SCIN: variants seen among roughly 807,000 people sequenced by gnomAD.
SCIN encodes the protein scinderin, also known as adseverin.
A neutral mutation model predicts 91.8 loss-of-function variants in SCIN; 91 were observed. That is an observed-to-expected ratio of 0.99 (90% CI 0.84 to 1.18). The LOEUF is 1.18. Among genes scored for constraint, SCIN ranks in the 50% most tolerant of loss-of-function variants. The pLI, the probability that SCIN is intolerant of heterozygous loss-of-function variation, is 0.00. For synonymous variants in SCIN, 367 were observed against 312.6 expected (o/e 1.17, Z -1.84); for missense variants, 1,087 against 863.9 (o/e 1.26, Z -3.24).
chr7:12,629,383 T>C lies in SCIN; in HGVS notation c.1319+161T>C, dbSNP rs528788146. 8.6e-5 allele frequency among the ~76,000 whole-genome samples: 12 copies of C among 139,294 alleles called. No individual in the cohort carries two copies. The East Asian group carries it at 1.9e-3, about 22-fold the overall frequency. The allele number at this position is 139,294 out of a possible 152,430, so 91.4% of individuals were successfully genotyped here. On this transcript the variant is annotated intron_variant, in intron 9 of 15. Transcript: ENST00000297029. ...TTCTTTTTACATGATTTTGACTATG[T>C]TTTGCAGTTGCCATCCACAGGCAGC...
chr7:12,611,489 T>A (rs918975197), intron 4 of SCIN, among the ~76,000 whole-genome samples: 7 of 152,186 alleles, frequency 4.6e-5, no homozygotes, highest in Non-Finnish European at 1.0e-4. Flanking sequence ...AATATTTTAA[T>A]GAAAATATAG....
At chr7:12,630,645 A>G (rs1182064887) in intron 9 of SCIN, among the ~76,000 whole-genome samples, 4 of 152,248 alleles carry the variant, frequency 2.6e-5, no homozygotes, top group South Asian at 4.1e-4. Flanking sequence ...CTTAATAGCA[A>G]CCATTCTGTG....
At chr7:12,615,188 A>G (rs760314396) in intron 4 of SCIN, among the ~76,000 whole-genome samples, 1 of 152,170 alleles carries the variant, frequency 6.6e-6, no homozygotes, top group Non-Finnish European at 1.5e-5. Context: ...TATATTCCAT[A>G]TAATAATTAC....
chr7:12,616,822 T>C (rs1044842779), intron 4 of SCIN, among the ~76,000 whole-genome samples: 6 of 152,168 alleles, frequency 3.9e-5, no homozygotes, highest in Admixed American at 2.0e-4. Context: ...AACACAATTG[T>C]GGACTTCAAT....
At chr7:12,608,511 A>G (rs1783127074) in intron 4 of SCIN, among the ~76,000 whole-genome samples, 1 of 152,048 alleles carries the variant, frequency 6.6e-6, no homozygotes, top group Admixed American at 6.6e-5. Context: ...GGAGTCTTGC[A>G]CTGTCACACA....
In SCIN at chr7:12,657,990, A is replaced by G. The variant is rs910740803; in HGVS notation, c.*5275A>G. The G allele has an allele frequency of 3.3e-5, 5 of 152,184 alleles. No individual in the cohort carries two copies. The highest frequency in any genetic ancestry group is 5.9e-5 in the Non-Finnish European group (4 of 68,032). 9.4% of individuals were successfully genotyped at this position (152,184 alleles called of 1,614,324 possible). ...TAGAGAGATTATTTTTGATGTTATT[A>G]TAATAAAAATGACACCTTTACTAAA... On this transcript the variant is annotated 3_prime_UTR_variant, in exon 16 of 16. Coordinates refer to ENST00000297029, the MANE Select transcript of SCIN (RefSeq NM_001112706.3).
Position 12,658,300 on chromosome 7 carries a change from C to T in SCIN, c.*5585C>T, listed in dbSNP as rs1714193623. 1 of 152,166 alleles carries T rather than the reference C, an allele frequency of 6.6e-6. No homozygotes were observed. Among genetic ancestry groups the T allele is most frequent in the East Asian group, 1.9e-4 (1 of 5,194 alleles). The allele number at this position is 152,166 out of a possible 1,614,324, so 9.4% of individuals were successfully genotyped here. On this transcript the variant is annotated 3_prime_UTR_variant, in exon 16 of 16. Coordinates refer to ENST00000297029, the MANE Select transcript of SCIN (RefSeq NM_001112706.3). ...TCTCACCTCCCAGGGAACTGATGAG[C>T]TTTAACTGGAATAGTAGTGAGAATG...
At chr7:12,638,640 A>G (rs988760459) in intron 10 of SCIN, among the ~76,000 whole-genome samples, 1 of 152,206 alleles carries the variant, frequency 6.6e-6, no homozygotes, top group Non-Finnish European at 1.5e-5. Flanking sequence ...AAATAGAGAG[A>G]GGCAAGTTAG....
chr7:12,600,655 G>A (rs576438165), intron 3 of SCIN, among the ~76,000 whole-genome samples: 1 of 152,164 alleles, frequency 6.6e-6, no homozygotes, highest in Non-Finnish European at 1.5e-5. Context: ...GAGTTGCACT[G>A]GATAATTAGA....
At chr7:12,571,431 T>A in intron 1 of SCIN, 3 of 352,928 alleles carry the variant, frequency 8.5e-6, no homozygotes, top group South Asian at 2.3e-5. Context: ...CTGCCGCCGC[T>A]AGGAAGAAGT....
intron 3 of SCIN, among the ~76,000 whole-genome samples, chr7:12,603,423 A>C (rs1427070394): frequency 6.6e-6 from 1 of 152,098 alleles, no homozygotes; most frequent in African/African-American, 2.4e-5. Context: ...AATTACAGGC[A>C]TGAGCCACCA....
chr7:12,625,084 G>C lies in SCIN; in HGVS notation c.834G>C (p.Leu278=), dbSNP rs777787644. 6.2e-7 allele frequency: 1 copy of C among 1,606,154 alleles called. No homozygotes were observed. The highest frequency in any genetic ancestry group is 8.5e-7 in the Non-Finnish European group (1 of 1,176,132). The change falls in exon 6 of 16, where the codon CTG becomes CTC. Residue 278 remains leucine (L), a synonymous_variant. Transcript: ENST00000297029. ...ACCCCTTCTCAATGGCAATGCTGCT[G>C]TCTGAAGAATGCTTTATTTTGGACC... is the stretch of plus-strand genomic sequence containing the variant. The part of the protein sequence containing the change: ...EENPFSMAML[L]SEECFILDHG...
rs535171107 is a variant in SCIN, at chr7:12,598,862, T to G, written c.517-5652T>G. Among the ~76,000 whole-genome samples, 3 of 152,020 alleles carry G rather than the reference T, an allele frequency of 2.0e-5. No individual in the cohort carries two copies. In the South Asian group the frequency reaches 6.2e-4, roughly 32 times the overall value. Reference sequence around the variant, plus strand: ...GGCAGAAGCTGCAGCGAGCCAAGACTGCATCACTGCACTCCAGCCTAGGTG... The same window carrying G: ...GGCAGAAGCTGCAGCGAGCCAAGACGGCATCACTGCACTCCAGCCTAGGTG... On this transcript the variant is annotated intron_variant, in intron 3 of 15. Transcript: ENST00000297029.
chr7:12,617,474 C>A (rs1783323057), intron 4 of SCIN, among the ~76,000 whole-genome samples: 1 of 152,050 alleles, frequency 6.6e-6, no homozygotes, highest in Non-Finnish European at 1.5e-5. Flanking sequence ...ACTGATCAGA[C>A]AGAAATGTCC....
intron 13 of SCIN, among the ~76,000 whole-genome samples, chr7:12,647,747 T>C (rs1000468440): frequency 6.6e-6 from 1 of 152,238 alleles, no homozygotes; most frequent in Non-Finnish European, 1.5e-5. Flanking sequence ...TTTTTTGTTT[T>C]GTTTATTTTG....
At chr7:12,591,288 T>C (rs995187070) in intron 3 of SCIN, among the ~76,000 whole-genome samples, 3 of 152,120 alleles carry the variant, frequency 2.0e-5, no homozygotes, top group Non-Finnish European at 4.4e-5. Flanking sequence ...GGAAGGGAGC[T>C]TACTGCTTGG....
At chr7:12,641,779 T>C (rs1783864180) in intron 11 of SCIN, among the ~76,000 whole-genome samples, 1 of 152,204 alleles carries the variant, frequency 6.6e-6, no homozygotes, top group South Asian at 2.1e-4. Context: ...ATGAACCCGC[T>C]GCCTCCTTCA....
Position 12,636,068 on chromosome 7 carries a change from A to G in SCIN, c.1343A>G (p.Asp448Gly), listed in dbSNP as rs1783745176. Residue 448 changes from aspartate (D) to glycine (G), a missense_variant, in exon 10 of 16, where the codon GAT becomes GGT. Asp to Gly is a moderately conservative substitution (Grantham distance 94). Transcript: ENST00000297029. ...YTWQGANATR[D>G]ELTTSAFLTV... is the part of the protein sequence containing the mutation. ...AGGCAAGGAGCAAATGCCACACGAG[A>G]TGAGCTGACAACATCTGCGTTCCTG... The G allele has an allele frequency of 1.2e-6, 2 of 1,613,020 alleles. No individual in the cohort carries two copies.
intron 3 of SCIN, among the ~76,000 whole-genome samples, chr7:12,591,693 G>A (rs1414028072): frequency 6.6e-6 from 1 of 152,160 alleles, no homozygotes; most frequent in African/African-American, 2.4e-5. Context: ...TGAGCTAGGA[G>A]GGCAAAGTTG....
Sources: gnomAD v4.1 joint callset for allele counts (sites outside exome capture counted in the v4.1 genomes callset) on GRCh38, gnomAD v4.1.1 for gene constraint, MANE v1.5 for transcripts, NCBI Gene and HGNC (gene_info 2026-07-23, HGNC 2026-07-21) for gene names.